Variants in PDXK observed in about 807,000 individuals in gnomAD.
PDXK encodes the protein pyridoxal kinase.
Under a neutral mutation model 43.2 loss-of-function variants are expected in PDXK, and 15 were observed. The observed-to-expected ratio is 0.35, with a 90% confidence interval of 0.23 to 0.53. The LOEUF (loss-of-function observed/expected upper bound fraction) is 0.53, where lower values mean the gene tolerates loss of function less well. Ranked by LOEUF, PDXK falls within the 20% of genes least tolerant of loss-of-function variation. The probability of loss-of-function intolerance (pLI) is 0.92; values close to 1 mark genes in which losing one functional copy is unlikely to be tolerated. For missense variants in PDXK, 343 were observed against 417.0 expected, an observed-to-expected ratio of 0.82 and a Z score of 1.54; for synonymous variants, 172 against 165.4, an observed-to-expected ratio of 1.04 and a Z score of -0.31.
chr21:43,754,451 G>T lies in PDXK; in HGVS notation c.759+732G>T, dbSNP rs1029584738. Among the ~76,000 whole-genome samples, 3 of 152,166 alleles carry T rather than the reference G, an allele frequency of 2.0e-5. No homozygotes were observed. Among genetic ancestry groups the T allele is most frequent in the Non-Finnish European group, 2.9e-5 (2 of 68,028 alleles). The stretch of plus-strand genomic sequence containing the variant: ...GCTCAGATCCGTGACCTCCCGTGCT[G>T]CATGCAGCAGAGTTGCTTGTGGCCT... On this transcript the variant is annotated intron_variant, in intron 9 of 10. Transcript: ENST00000291565. The surrounding 1 kb of genome is among the most constrained non-coding windows in gnomAD (Gnocchi z 5.5).
Position 43,734,176 on chromosome 21 carries a change from C to G in PDXK, c.142+53C>G. ...TAGAGCAGACTGTGGGTGTGAGGGA[C>G]GGGGCGGAGTGTGGGTGTGAGGGAC... On this transcript the variant is annotated intron_variant, in intron 2 of 10. Coordinates refer to ENST00000291565, the MANE Select transcript of PDXK (RefSeq NM_003681.5). This position sits in a 1 kb window ranked among gnomAD's most constrained non-coding sequence, Gnocchi z 5.0. The G allele has an allele frequency of 6.7e-7, 1 of 1,500,304 alleles. No individual in the cohort carries two copies. Among genetic ancestry groups the G allele is most frequent in the Non-Finnish European group, 9.1e-7 (1 of 1,095,902 alleles). 92.9% of individuals were successfully genotyped at this position (1,500,304 alleles called of 1,614,324 possible).
chr21:43,738,958 G>A (rs1458416296), intron 2 of PDXK: 2 of 149,436 alleles, frequency 1.3e-5, no homozygotes, highest in South Asian at 2.1e-4. Flanking sequence ...TTTGGAGACG[G>A]AGTCTCACTC....
intron 3 of PDXK, among the ~76,000 whole-genome samples, chr21:43,742,517 T>C (rs2083554574): frequency 6.8e-6 from 1 of 147,358 alleles, no homozygotes; most frequent in South Asian, 2.1e-4. Flanking sequence ...GGGGAAACAC[T>C]TAGCCTCCCA....
chr21:43,755,406 C>G, intron 9 of PDXK: 1 of 444,088 alleles, frequency 2.3e-6, no homozygotes, highest in Non-Finnish European at 4.1e-6. Flanking sequence ...CTACCAAGCT[C>G]CTGCTGCCTG....
At chr21:43,726,823 ACT>A (rs2083258877) in intron 1 of PDXK, among the ~76,000 whole-genome samples, 2 of 150,900 alleles carry the variant, frequency 1.3e-5, no homozygotes, top group South Asian at 4.2e-4. Flanking sequence ...GTTTGTGTAC[ACT>A]GTGTGTGTAT....
In PDXK at chr21:43,757,565, TG is replaced by T. The variant is rs1601844289; in HGVS notation, c.*1503del. ...CGCTTGCCAGGAGTGCGTTCTTTGT[TG>T]AAAAATGCCCTGAAGCGAAAAGATG... is the stretch of plus-strand genomic sequence containing the variant. On this transcript the variant is annotated 3_prime_UTR_variant, in exon 11 of 11. Transcript: ENST00000291565. The T allele has an allele frequency of 6.6e-6, 1 of 152,246 alleles. No individual in the cohort carries two copies. Among genetic ancestry groups the T allele is most frequent in the African/African-American group, 2.4e-5 (1 of 41,440 alleles). The allele number at this position is 152,246 out of a possible 1,614,324, so 9.4% of individuals were successfully genotyped here.
At chr21:43,728,649 G>A in intron 1 of PDXK, 1 of 858,448 alleles carries the variant, frequency 1.2e-6, no homozygotes, top group Non-Finnish European at 1.4e-6. Context: ...CCGATAAGGC[G>A]CGCACGTGGG....
intron 5 of PDXK, among the ~76,000 whole-genome samples, 193 bp from the exon 6 acceptor site, chr21:43,748,802 C>T (rs1016846490): frequency 2.5e-4 from 38 of 152,258 alleles, no homozygotes; most frequent in Admixed American, 2.4e-3. Flanking sequence ...GGGTTCCCCA[C>T]TCTAGTGTGC....
At position 43,734,224 on chromosome 21, in the gene PDXK, G is replaced by T; in HGVS notation, c.142+101G>T. On this transcript the variant is annotated intron_variant, in intron 2 of 10. Transcript: ENST00000291565. This position sits in a 1 kb window ranked among gnomAD's most constrained non-coding sequence, Gnocchi z 5.0. Reference sequence around the variant, plus strand: ...GACGGGGCGGAGTGTGGGTGTGAGGGACGGGGCTTTCGTGTGGACGGGGAC... The same window carrying T: ...GACGGGGCGGAGTGTGGGTGTGAGGTACGGGGCTTTCGTGTGGACGGGGAC... The T allele has an allele frequency of 8.9e-7, 1 of 1,126,910 alleles. No individual in the cohort carries two copies. The highest frequency in any genetic ancestry group is 1.2e-5 in the South Asian group (1 of 80,314). 69.8% of individuals were successfully genotyped at this position (1,126,910 alleles called of 1,614,324 possible).
intron 1 of PDXK, among the ~76,000 whole-genome samples, chr21:43,725,278 G>C (rs983374329): frequency 1.3e-5 from 2 of 152,052 alleles, no homozygotes; most frequent in Non-Finnish European, 2.9e-5. Flanking sequence ...AGCCGAGATC[G>C]CGCCACTGCA....
chr21:43,739,228 G>A (rs1280228676), intron 2 of PDXK, among the ~76,000 whole-genome samples: 1 of 152,180 alleles, frequency 6.6e-6, no homozygotes, highest in Non-Finnish European at 1.5e-5. Context: ...TTGCCACGTT[G>A]GCCAGGCTGG....
At chr21:43,736,638 T>G (rs1298806372) in intron 2 of PDXK, among the ~76,000 whole-genome samples, 4 of 149,332 alleles carry the variant, frequency 2.7e-5, no homozygotes, top group Non-Finnish European at 4.5e-5. Flanking sequence ...TGTTTTTTTT[T>G]TTTTTTTTTT....
Position 43,762,186 on chromosome 21 carries a change from G to A in PDXK, c.*6123G>A, listed in dbSNP as rs1298127461. 5.2e-5 allele frequency: 8 copies of A among 152,674 alleles called. No individual in the cohort carries two copies. Among genetic ancestry groups the A allele is most frequent in the Non-Finnish European group, 1.2e-4 (8 of 68,206 alleles). The allele number at this position is 152,674 out of a possible 1,614,324, so 9.5% of individuals were successfully genotyped here. Reference sequence around the variant, plus strand: ...TTGCCTGGAGTGGCCGGCCCTGCTTGTGCCATGTGGATGTTTGTGAGCCTC... The same window carrying A: ...TTGCCTGGAGTGGCCGGCCCTGCTTATGCCATGTGGATGTTTGTGAGCCTC... On this transcript the variant is annotated 3_prime_UTR_variant, in exon 11 of 11. Coordinates refer to ENST00000291565, the MANE Select transcript of PDXK (RefSeq NM_003681.5).
rs190568230 is a variant in PDXK, at chr21:43,752,319, G to A, written c.511-199G>A. Among the ~76,000 whole-genome samples the A allele has an allele frequency of 2.6e-3, 394 of 152,356 alleles. 1 individual carries two copies. The highest frequency in any genetic ancestry group is 4.4e-3 in the Non-Finnish European group (299 of 68,036). ...ACACGGTTTGGGCTGACAGTTTGTG[G>A]GGGGATGGTGGCTGACCAGGTGGCT... is the stretch of plus-strand genomic sequence containing the variant. On this transcript the variant is annotated intron_variant, in intron 7 of 10. Transcript: ENST00000291565.
intron 1 of PDXK, among the ~76,000 whole-genome samples, chr21:43,729,316 C>G (rs986690433): frequency 6.6e-6 from 1 of 152,246 alleles, no homozygotes; most frequent in Non-Finnish European, 1.5e-5. Context: ...CCTCGTTCTT[C>G]GCGTGCTGTC....
chr21:43,745,447 T>C (rs902652673), intron 4 of PDXK, among the ~76,000 whole-genome samples: 1 of 149,688 alleles, frequency 6.7e-6, no homozygotes, highest in Non-Finnish European at 1.5e-5. Context: ...GAAAGCAGAC[T>C]AGACGTTACC....
At chr21:43,719,791 T>C in intron 1 of PDXK, 3 of 985,440 alleles carry the variant, frequency 3.0e-6, no homozygotes, top group Non-Finnish European at 3.6e-6. Flanking sequence ...GCCGGGACCT[T>C]GCCCCGCTGG....
chr21:43,755,381 T>A, intron 9 of PDXK: 1 of 378,068 alleles, frequency 2.6e-6, no homozygotes, highest in Non-Finnish European at 4.9e-6. Context: ...TATAAGGAGT[T>A]AATTCTGGGA....
At chr21:43,731,497 T>C (rs1274343155) in intron 1 of PDXK, among the ~76,000 whole-genome samples, 1 of 152,206 alleles carries the variant, frequency 6.6e-6, no homozygotes, top group Non-Finnish European at 1.5e-5. Context: ...GGGTTTACTG[T>C]AAAACAAGGT....
Sources: gnomAD v4.1 joint callset for allele counts (sites outside exome capture counted in the v4.1 genomes callset) on GRCh38, gnomAD v4.1.1 for gene constraint, Gnocchi (gnomAD v3.1) non-coding constraint, MANE v1.5 for transcripts, NCBI Gene and HGNC (gene_info 2026-07-23, HGNC 2026-07-21) for gene names.